ASIC2: variants seen among roughly 807,000 people sequenced by gnomAD.
The protein encoded by ASIC2 is acid sensing ion channel subunit 2.
ASIC2 carries 25 observed loss-of-function variants against 57.3 expected under a neutral mutation model. That is an observed-to-expected ratio of 0.44 (90% confidence interval 0.32 to 0.61). The LOEUF (loss-of-function observed/expected upper bound fraction) is 0.61. ASIC2 is among the 20% of genes least tolerant of loss of function. ASIC2 has a pLI of 0.06. For missense variants in ASIC2, 641 were observed against 738.1 expected, an observed-to-expected ratio of 0.87 and a Z score of 1.52; for synonymous variants, 319 against 307.5, an observed-to-expected ratio of 1.04 and a Z score of -0.39.
chr17:33,476,552 T>TACAGGG (rs1913235148), intron 1 of ASIC2, among the ~76,000 whole-genome samples: 1 of 99,562 alleles, frequency 1.0e-5, no homozygotes, highest in African/African-American at 4.9e-5. Flanking sequence ...GGGGTGTGTG[T>TACAGGG]GTGTGTGTGT....
chr17:33,833,236 C>A (rs1913168040), intron 1 of ASIC2, among the ~76,000 whole-genome samples: 1 of 152,064 alleles, frequency 6.6e-6, no homozygotes, highest in Non-Finnish European at 1.5e-5. Context: ...TGATAAGCAT[C>A]CCAAGGGCCA....
intron 1 of ASIC2, among the ~76,000 whole-genome samples, chr17:33,377,355 A>G (rs771418999): frequency 1.3e-5 from 2 of 152,194 alleles, no homozygotes; most frequent in Non-Finnish European, 2.9e-5. Flanking sequence ...CCAGCTAGAA[A>G]GTTCTTTATT....
At chr17:33,601,612 A>C (rs868834371) in intron 1 of ASIC2, among the ~76,000 whole-genome samples, 7 of 152,258 alleles carry the variant, frequency 4.6e-5, no homozygotes, top group Non-Finnish European at 4.4e-5. Flanking sequence ...GCCCAGGAAG[A>C]GAACTTATCC....
intron 1 of ASIC2, among the ~76,000 whole-genome samples, chr17:33,217,278 G>T (rs1471102559): frequency 6.6e-6 from 1 of 152,188 alleles, no homozygotes; most frequent in African/African-American, 2.4e-5. Context: ...AAAGTTCAGT[G>T]GTTTCTGGGA....
intron 1 of ASIC2, among the ~76,000 whole-genome samples, chr17:33,528,580 T>G (rs1207756706): frequency 6.6e-6 from 1 of 152,058 alleles, no homozygotes; most frequent in Non-Finnish European, 1.5e-5. Flanking sequence ...AGGGGATTGG[T>G]TGGCAGGGAG....
chr17:33,524,561 T>G (rs560037929), intron 1 of ASIC2, among the ~76,000 whole-genome samples: 2 of 152,094 alleles, frequency 1.3e-5, no homozygotes, highest in Admixed American at 1.3e-4. Context: ...AGGTGTGCAC[T>G]GGGAGGGGGT....
At chr17:33,157,001 A>G (rs369362836) in intron 1 of ASIC2, among the ~76,000 whole-genome samples, 1 of 152,088 alleles carries the variant, frequency 6.6e-6, no homozygotes, top group East Asian at 1.9e-4. Context: ...TAGCCTGGCT[A>G]TAGTGGTTCT....
intron 1 of ASIC2, among the ~76,000 whole-genome samples, chr17:33,724,179 T>A (rs954009635): frequency 6.6e-6 from 1 of 152,180 alleles, no homozygotes; most frequent in African/African-American, 2.4e-5. Flanking sequence ...GGCTGCCATA[T>A]AAGACATGAC....
chr17:33,045,519 G>A (rs568193991), intron 3 of ASIC2, among the ~76,000 whole-genome samples: 18 of 152,308 alleles, frequency 1.2e-4, no homozygotes, highest in South Asian at 2.1e-4. Context: ...TTGGAGTTAC[G>A]CAGGTGTGGC....
At chr17:34,154,953 C>T (rs1904658806) in intron 1 of ASIC2, among the ~76,000 whole-genome samples, 1 of 152,068 alleles carries the variant, frequency 6.6e-6, no homozygotes, top group African/African-American at 2.4e-5. Context: ...GCCTAGCAGC[C>T]CACTAACTGG....
intron 1 of ASIC2, among the ~76,000 whole-genome samples, chr17:33,739,806 A>C (rs2881778): frequency 0.68 from 99,645 of 147,140 alleles, 33,677 homozygotes; most frequent in African/African-American, 0.71. Context: ...GAAAGAAAGA[A>C]AGAAAGAGAG....
At chr17:33,309,042 G>A (rs1288965061) in intron 1 of ASIC2, among the ~76,000 whole-genome samples, 2 of 152,248 alleles carry the variant, frequency 1.3e-5, no homozygotes, top group Admixed American at 6.5e-5. Context: ...AAGTGGCAAC[G>A]GACCAATTCT....
chr17:33,255,741 T>C (rs1909045223), intron 1 of ASIC2, among the ~76,000 whole-genome samples: 1 of 152,180 alleles, frequency 6.6e-6, no homozygotes, highest in Admixed American at 6.5e-5. Flanking sequence ...AATAGCAGGA[T>C]GGACTAAGGT....
intron 1 of ASIC2, among the ~76,000 whole-genome samples, chr17:33,749,253 C>T (rs1567705427): frequency 6.6e-6 from 1 of 152,048 alleles, no homozygotes; most frequent in Non-Finnish European, 1.5e-5. Context: ...TTCCCCCTAC[C>T]CCAGGGAAAC....
intron 1 of ASIC2, among the ~76,000 whole-genome samples, chr17:33,754,433 A>G (rs1334301686): frequency 6.6e-6 from 1 of 152,080 alleles, no homozygotes; most frequent in African/African-American, 2.4e-5. Context: ...AAGCAGGCCC[A>G]GCAGCTCAGA....
At chr17:33,308,872 G>T (rs187714737) in intron 1 of ASIC2, among the ~76,000 whole-genome samples, 1 of 152,110 alleles carries the variant, frequency 6.6e-6, no homozygotes, top group African/African-American at 2.4e-5. Context: ...TTGTCAATCC[G>T]TTCAATGATA....
intron 1 of ASIC2, among the ~76,000 whole-genome samples, chr17:33,523,762 T>C (rs941619110): frequency 6.6e-6 from 1 of 152,144 alleles, no homozygotes; most frequent in African/African-American, 2.4e-5. Flanking sequence ...AGGCCCTCTG[T>C]GCTCACTCTA....
intron 1 of ASIC2, among the ~76,000 whole-genome samples, chr17:33,361,687 G>A (rs577540479): frequency 1.6e-4 from 25 of 152,300 alleles, no homozygotes; most frequent in Admixed American, 9.8e-4. Context: ...GAGTCTTACC[G>A]AAGGTCATAC....
chr17:33,399,550 A>G (rs1274930704), intron 1 of ASIC2, among the ~76,000 whole-genome samples: 8 of 152,298 alleles, frequency 5.3e-5, no homozygotes, highest in East Asian at 1.9e-4. Flanking sequence ...TCTAAATCCC[A>G]GTATGGCCTG....
Sources: allele counts gnomAD v4.1 joint callset (sites outside exome capture counted in the v4.1 genomes callset), GRCh38; gene constraint gnomAD v4.1.1; transcripts MANE v1.5; gene names NCBI Gene and HGNC (gene_info 2026-07-23, HGNC 2026-07-21).